WWTR1: variants seen among roughly 807,000 people sequenced by gnomAD.
WWTR1 encodes the protein WW domain-containing transcription regulator protein 1.
WWTR1 carries 13 observed loss-of-function variants against 40.1 expected under a neutral mutation model. That is an observed-to-expected ratio of 0.32 (90% CI 0.21 to 0.52). The LOEUF is 0.52. Among genes scored for constraint, WWTR1 ranks in the 20% least tolerant of loss-of-function variants. The pLI, the probability that WWTR1 is intolerant of heterozygous loss-of-function variation, is 0.97. For synonymous variants in WWTR1, 230 were observed against 210.1 expected, an observed-to-expected ratio of 1.09 and a Z score of -0.82; for missense variants, 436 against 523.1, an observed-to-expected ratio of 0.83 and a Z score of 1.63.
At chr3:149,525,799 T>C in intron 6 of WWTR1, 1 of 338,536 alleles carries the variant, frequency 3.0e-6, no homozygotes, top group Non-Finnish European at 5.3e-6. Flanking sequence ...AACAAACTAT[T>C]GGGTACTATG....
intron 4 of WWTR1, among the ~76,000 whole-genome samples, chr3:149,532,414 C>A (rs1244304042): frequency 6.6e-6 from 1 of 151,800 alleles, no homozygotes; most frequent in East Asian, 1.9e-4. Context: ...ATAATGGTCA[C>A]CAAGGCTAAG....
chr3:149,646,340 A>G (rs143831684), intron 2 of WWTR1, among the ~76,000 whole-genome samples: 1 of 152,330 alleles, frequency 6.6e-6, no homozygotes, highest in East Asian at 1.9e-4. Flanking sequence ...CATAGCTCAC[A>G]CCACATGTGA....
chr3:149,551,541 G>A (rs1736619424), intron 3 of WWTR1, among the ~76,000 whole-genome samples: 1 of 145,356 alleles, frequency 6.9e-6, no homozygotes, highest in Non-Finnish European at 1.5e-5. Flanking sequence ...TGAGAGGGGA[G>A]CATAAAAGCT....
chr3:149,623,814 A>G (rs1340490261), intron 2 of WWTR1, among the ~76,000 whole-genome samples: 1 of 152,238 alleles, frequency 6.6e-6, no homozygotes, highest in Non-Finnish European at 1.5e-5. Context: ...ACAATGCCAG[A>G]ACCTCACAGT....
At chr3:149,605,350 ACCTTTCTAG>A (rs200391497) in intron 2 of WWTR1, among the ~76,000 whole-genome samples, 1,984 of 152,238 alleles carry the variant, frequency 0.013, 48 homozygotes, top group African/African-American at 0.045. Context: ...GCAAAGGATG[ACCTTTCTAG>A]TGTAGTGACC....
chr3:149,601,189 TA>T (rs1312910921), intron 2 of WWTR1, among the ~76,000 whole-genome samples: 1 of 152,172 alleles, frequency 6.6e-6, no homozygotes, highest in Non-Finnish European at 1.5e-5. Context: ...TATAATTTTT[TA>T]TAGTTTTTCT....
intron 2 of WWTR1, among the ~76,000 whole-genome samples, chr3:149,575,340 T>C (rs1194838169): frequency 6.6e-6 from 1 of 152,100 alleles, no homozygotes; most frequent in Non-Finnish European, 1.5e-5. Context: ...ATTAAGTAAC[T>C]CCCTTTAGCA....
At chr3:149,640,182 T>C (rs1349966916) in intron 2 of WWTR1, among the ~76,000 whole-genome samples, 1 of 152,150 alleles carries the variant, frequency 6.6e-6, no homozygotes, top group Non-Finnish European at 1.5e-5. Flanking sequence ...TCTTCCCCAC[T>C]GTATTCAGAT....
intron 1 of WWTR1, chr3:149,670,987 C>A (rs1418350283): frequency 1.3e-5 from 2 of 152,178 alleles, no homozygotes; most frequent in Non-Finnish European, 2.9e-5. Context: ...GGGTCATGAG[C>A]TGCCTGGGGA....
chr3:149,707,973 A>G (rs1356465753), upstream of WWTR1, among the ~76,000 whole-genome samples: 2 of 149,024 alleles, frequency 1.3e-5, no homozygotes, highest in African/African-American at 4.9e-5. Context: ...AATTATGGTA[A>G]TGGTCCTCTG....
chr3:149,612,415 C>T (rs1739778266), intron 2 of WWTR1, among the ~76,000 whole-genome samples: 4 of 151,222 alleles, frequency 2.6e-5, no homozygotes, highest in Admixed American at 2.6e-4. Context: ...TATACTTTGG[C>T]AGTTGGATCA....
At chr3:149,680,560 CCAAACAAACAAA>C (rs980662329) in intron 1 of WWTR1, among the ~76,000 whole-genome samples, 4 of 131,956 alleles carry the variant, frequency 3.0e-5, no homozygotes, top group African/African-American at 1.2e-4. Context: ...AACCAACCAA[CCAAACAAACAAA>C]CAAACAAAAA....
At chr3:149,532,170 A>G (rs1735611655) in intron 4 of WWTR1, among the ~76,000 whole-genome samples, 2 of 152,258 alleles carry the variant, frequency 1.3e-5, no homozygotes, top group Non-Finnish European at 2.9e-5. Flanking sequence ...CTGTGATGAT[A>G]AAACGGGATA....
intron 1 of WWTR1, among the ~76,000 whole-genome samples, chr3:149,682,122 G>A (rs887449535): frequency 1.3e-5 from 2 of 152,116 alleles, no homozygotes; most frequent in Admixed American, 6.5e-5. Flanking sequence ...AGTAAGTACC[G>A]TAGACTGATC....
chr3:149,592,525 A>G (rs1738778582), intron 2 of WWTR1, among the ~76,000 whole-genome samples: 1 of 152,228 alleles, frequency 6.6e-6, no homozygotes, highest in Non-Finnish European at 1.5e-5. Context: ...TCCCAACGAC[A>G]AAGTTCATTC....
intron 4 of WWTR1, among the ~76,000 whole-genome samples, chr3:149,719,106 G>A (rs905544485): frequency 6.6e-6 from 1 of 151,778 alleles, no homozygotes; most frequent in East Asian, 1.9e-4. Flanking sequence ...GATTACAGAT[G>A]TGAGGCACCA....
chr3:149,555,292 A>G (rs1736775171), intron 3 of WWTR1, among the ~76,000 whole-genome samples: 1 of 152,238 alleles, frequency 6.6e-6, no homozygotes, highest in South Asian at 2.1e-4. Flanking sequence ...AGATACTAAG[A>G]TTCCAAGAGG....
chr3:149,676,611 T>C (rs1440597441), intron 1 of WWTR1, among the ~76,000 whole-genome samples: 1 of 152,138 alleles, frequency 6.6e-6, no homozygotes, highest in Non-Finnish European at 1.5e-5. Context: ...ATATTGTTAG[T>C]TCAGATTTAT....
At chr3:149,650,807 T>G (rs1190343980) in intron 2 of WWTR1, among the ~76,000 whole-genome samples, 1 of 152,158 alleles carries the variant, frequency 6.6e-6, no homozygotes, top group African/African-American at 2.4e-5. Context: ...CCTATTTAGG[T>G]TTCTCTTAAC....
Sources: allele counts gnomAD v4.1 joint callset (sites outside exome capture counted in the v4.1 genomes callset), GRCh38; gene constraint gnomAD v4.1.1; transcripts MANE v1.5; gene names NCBI Gene and HGNC (gene_info 2026-07-23, HGNC 2026-07-21).